The following ITPR1 variants were observed in gnomAD, a reference collection of about 807,000 sequenced individuals.
ITPR1 encodes inositol 1,4,5-trisphosphate-gated calcium channel ITPR1.
In ITPR1, 96 loss-of-function variants were observed where a neutral mutation model predicts 318.4. The observed-to-expected ratio is 0.30, with a 90% confidence interval of 0.26 to 0.36. The LOEUF (loss-of-function observed/expected upper bound fraction) is 0.36. Among genes scored for constraint, ITPR1 ranks in the 10% least tolerant of loss-of-function variants. ITPR1 has a pLI of 1.00. For missense variants in ITPR1, 2,440 were observed against 3,460.2 expected (o/e 0.71, Z 7.40); for synonymous variants, 1,312 against 1,289.9 (o/e 1.02, Z -0.37).
chr3:4,631,838 A>G (rs2093024747), intron 5 of ITPR1, among the ~76,000 whole-genome samples: 3 of 152,230 alleles, frequency 2.0e-5, no homozygotes, highest in Middle Eastern at 3.4e-3. Context: ...CCAGGCTGGA[A>G]TGCAGTGATG....
intron 52 of ITPR1, among the ~76,000 whole-genome samples, chr3:4,794,751 A>AC (rs1224600777): frequency 2.0e-5 from 3 of 152,052 alleles, no homozygotes; most frequent in Non-Finnish European, 4.4e-5. Context: ...ACTCTGGATA[A>AC]CCCCCAGATT....
intron 24 of ITPR1, among the ~76,000 whole-genome samples, 194 bp downstream of exon 24, chr3:4,676,995 G>A (rs189079690): frequency 6.6e-6 from 1 of 152,054 alleles, no homozygotes. Flanking sequence ...TCCCAACATG[G>A]CCATGTCCCT....
intron 61 of ITPR1, among the ~76,000 whole-genome samples, chr3:4,839,733 A>G (rs2051198741): frequency 6.6e-6 from 1 of 152,242 alleles, no homozygotes. Flanking sequence ...TAAACAAAAT[A>G]TGTAAAATTT....
rs1037580427 is a variant in ITPR1, at chr3:4,725,421, G to T, written c.5137-125G>T. The T allele has an allele frequency of 1.2e-5, 9 of 756,170 alleles. No homozygotes were observed. The East Asian group carries it at 2.1e-4, about 18-fold the overall frequency. The allele number at this position is 756,170 out of a possible 1,614,324, so 46.8% of individuals were successfully genotyped here. On this transcript the variant is annotated intron_variant, in intron 40 of 61. Coordinates refer to ENST00000649015, the MANE Select transcript of ITPR1 (RefSeq NM_001378452.1). ...GAAGCCCACTTCGGCAGGTGATCCA[G>T]CAGGGTTGCCTCATCTCTGATCCTT...
At chr3:4,734,606 T>G (rs553247089) in intron 43 of ITPR1, among the ~76,000 whole-genome samples, 1 of 152,358 alleles carries the variant, frequency 6.6e-6, no homozygotes, top group East Asian at 1.9e-4. Context: ...ATGGCATAGG[T>G]CCTCTCTTCT....
intron 52 of ITPR1, 105 bp from the exon 53 acceptor site, chr3:4,794,960 C>A: frequency 2.3e-6 from 3 of 1,298,138 alleles, no homozygotes; most frequent in Non-Finnish European, 3.1e-6. Flanking sequence ...AAACCGGGAA[C>A]AAAAGTGGAC....
intron 51 of ITPR1, among the ~76,000 whole-genome samples, chr3:4,787,324 C>T (rs1435497688): frequency 1.9e-4 from 12 of 62,278 alleles, no homozygotes; most frequent in Middle Eastern, 0.017. Flanking sequence ...GACAACAAAA[C>T]GAGACTCCAT....
chr3:4,735,307 A>G lies in ITPR1; in HGVS notation c.5497A>G (p.Ile1833Val), dbSNP rs771908137. The change falls in exon 44 of 62, where the codon ATT (isoleucine) becomes GTT (valine). Residue 1833 changes from isoleucine (I) to valine (V), a missense_variant. Ile to Val is a conservative substitution (Grantham distance 29). Coordinates refer to ENST00000649015, the MANE Select transcript of ITPR1 (RefSeq NM_001378452.1). Reference protein sequence around the residue: ...ASSDRVFHESILLAIALLEGG... With the variant: ...ASSDRVFHESVLLAIALLEGG... Reference sequence around the variant, plus strand: ...CAGTGACCGAGTGTTCCATGAAAGCATTCTCCTGGCCATTGCCCTTCTGGA... The same window carrying G: ...CAGTGACCGAGTGTTCCATGAAAGCGTTCTCCTGGCCATTGCCCTTCTGGA... 1.9e-6 allele frequency: 3 copies of G among 1,613,844 alleles called. No homozygotes were observed.
chr3:4,781,274 T>A (rs2046820113), intron 49 of ITPR1, among the ~76,000 whole-genome samples: 1 of 152,198 alleles, frequency 6.6e-6, no homozygotes, highest in Non-Finnish European at 1.5e-5. Flanking sequence ...GAGGCAGAAA[T>A]GCCCACTGAA....
At chr3:4,643,703 C>A (rs7652764) in intron 7 of ITPR1, among the ~76,000 whole-genome samples, 152,262 of 152,262 alleles carry the variant, frequency 1, 76,131 homozygotes, top group Non-Finnish European at 1. Flanking sequence ...GATCATAGAC[C>A]ATGTATTTCC....
At chr3:4,506,750 C>G (rs972547080) in intron 2 of ITPR1, among the ~76,000 whole-genome samples, 2 of 152,152 alleles carry the variant, frequency 1.3e-5, no homozygotes, top group African/African-American at 4.8e-5. Flanking sequence ...CCTGGCTGTT[C>G]AGTTTTATAT....
chr3:4,838,418 T>G (rs2051087951), intron 61 of ITPR1, among the ~76,000 whole-genome samples: 1 of 151,488 alleles, frequency 6.6e-6, no homozygotes, highest in Non-Finnish European at 1.5e-5. Context: ...CTTCTGGCAC[T>G]GCCCCCCCAA....
chr3:4,737,465 T>C (rs1417527013), intron 44 of ITPR1, among the ~76,000 whole-genome samples: 2 of 152,006 alleles, frequency 1.3e-5, no homozygotes, highest in African/African-American at 4.8e-5. Flanking sequence ...TATTCCATGG[T>C]AGAGAGGGCC....
intron 29 of ITPR1, 118 bp downstream of exon 29, chr3:4,684,464 CAG>C: frequency 1.4e-6 from 1 of 733,006 alleles, no homozygotes; most frequent in Non-Finnish European, 2.3e-6. Flanking sequence ...TGTGGTTTAA[CAG>C]GGAGAAAGTA....
intron 30 of ITPR1, among the ~76,000 whole-genome samples, chr3:4,685,958 C>A (rs944632977): frequency 6.6e-6 from 1 of 152,188 alleles, no homozygotes; most frequent in Non-Finnish European, 1.5e-5. Context: ...CTATTAACTG[C>A]TAGAGAGACT....
intron 4 of ITPR1, among the ~76,000 whole-genome samples, chr3:4,612,313 C>T (rs966238065): frequency 5.9e-5 from 9 of 151,920 alleles, no homozygotes; most frequent in East Asian, 2.0e-4. Flanking sequence ...CCGCCTGCCT[C>T]GGCCTCCTAA....
rs183436890 is a variant in ITPR1 at position 4,544,668 on chromosome 3, C to T, written c.163+23574C>T. ...GATCCTCTCAGTCGTTTTGGACTGA[C>T]ATTGCTAACTTCGTAAAGGGAAATG... On this transcript the variant is annotated intron_variant, in intron 4 of 61. Coordinates refer to ENST00000649015, the MANE Select transcript of ITPR1 (RefSeq NM_001378452.1). 4.0e-3 allele frequency among the ~76,000 whole-genome samples: 602 copies of T among 152,334 alleles called. 5 individuals are homozygous for T. The highest frequency in any genetic ancestry group is 0.015 in the South Asian group (71 of 4,828).
intron 2 of ITPR1, among the ~76,000 whole-genome samples, chr3:4,510,923 G>T (rs1376499853): frequency 1.3e-5 from 2 of 152,200 alleles, no homozygotes; most frequent in Non-Finnish European, 2.9e-5. Flanking sequence ...ACAGGCAAGG[G>T]CCCTGTGGCA....
chr3:4,691,648 C>T (rs1284830589), intron 32 of ITPR1, among the ~76,000 whole-genome samples: 1 of 129,718 alleles, frequency 7.7e-6, no homozygotes, highest in Non-Finnish European at 1.8e-5. Context: ...GTAGTCAGGA[C>T]CCAGTGAGCC....
Sources: allele counts gnomAD v4.1 joint callset (sites outside exome capture counted in the v4.1 genomes callset), GRCh38; gene constraint gnomAD v4.1.1; transcripts MANE v1.5; gene names NCBI Gene and HGNC (gene_info 2026-07-23, HGNC 2026-07-21).